The following TFDP2 variants were observed in gnomAD, a reference collection of about 807,000 sequenced individuals.
The protein encoded by TFDP2 is transcription factor Dp-2 (E2F dimerization partner 2).
TFDP2 carries 17 observed loss-of-function variants against 59.3 expected under a neutral mutation model. The ratio of observed to expected loss-of-function variants is 0.29; its 90% CI spans 0.20 to 0.43. TFDP2 has a LOEUF of 0.43. Ranked by LOEUF, TFDP2 falls within the 20% of genes least tolerant of loss-of-function variation. The pLI is 1.00. For synonymous variants in TFDP2, 180 were observed against 194.7 expected, an observed-to-expected ratio of 0.92 and a Z score of 0.63; for missense variants, 391 against 528.8, an observed-to-expected ratio of 0.74 and a Z score of 2.56.
intron 3 of TFDP2, among the ~76,000 whole-genome samples, chr3:142,038,732 AT>A (rs144925142): frequency 1.1e-4 from 17 of 151,362 alleles, no homozygotes; most frequent in East Asian, 7.8e-4. Context: ...TATGATACAT[AT>A]TTTTTTTTAC....
intron 2 of TFDP2, among the ~76,000 whole-genome samples, chr3:142,098,478 T>G (rs1459704021): frequency 6.6e-6 from 1 of 152,138 alleles, no homozygotes; most frequent in South Asian, 2.1e-4. Flanking sequence ...CATGTAGTTC[T>G]AGTAAGACAA....
chr3:141,994,190 T>C (rs1943051391), intron 5 of TFDP2: 1 of 152,234 alleles, frequency 6.6e-6, no homozygotes, highest in Admixed American at 6.5e-5. Flanking sequence ...TGTAGGCATG[T>C]ATTTATGTAT....
At chr3:142,098,080 C>T (rs573752779) in intron 2 of TFDP2, among the ~76,000 whole-genome samples, 12 of 152,194 alleles carry the variant, frequency 7.9e-5, no homozygotes, top group African/African-American at 2.6e-4. Context: ...CGTGAGCCAT[C>T]GCGCTGGGCC....
At chr3:142,029,809 G>A (rs1409672779) in intron 3 of TFDP2, among the ~76,000 whole-genome samples, 2 of 152,076 alleles carry the variant, frequency 1.3e-5, no homozygotes, top group African/African-American at 2.4e-5. Flanking sequence ...ATTATGAGCC[G>A]AGCACTATTT....
chr3:142,056,477 G>T (rs1380867985), intron 3 of TFDP2, among the ~76,000 whole-genome samples: 1 of 152,130 alleles, frequency 6.6e-6, no homozygotes, highest in African/African-American at 2.4e-5. Flanking sequence ...CAGAAAGGCT[G>T]TCAGATAAAA....
chr3:141,990,528 C>T (rs535183499), intron 6 of TFDP2, among the ~76,000 whole-genome samples: 65 of 152,246 alleles, frequency 4.3e-4, no homozygotes, highest in African/African-American at 1.4e-3. Context: ...GCCACCGTGC[C>T]CAGTCTGTGG....
intron 3 of TFDP2, among the ~76,000 whole-genome samples, chr3:142,035,266 C>T (rs1353357907): frequency 3.9e-5 from 6 of 152,174 alleles, no homozygotes; most frequent in Admixed American, 3.9e-4. Context: ...TGCTTAAAAA[C>T]TTTCAGTAGT....
rs1011660182 is a variant in TFDP2 at position 141,978,760 on chromosome 3, A to G, written c.357-78T>C. 4.7e-6 allele frequency: 5 copies of G among 1,071,442 alleles called. No individual in the cohort carries two copies. In the South Asian group the frequency reaches 9.7e-5, roughly 21 times the overall value. The allele number at this position is 1,071,442 out of a possible 1,614,324, so 66.4% of individuals were successfully genotyped here. A position where few individuals can be genotyped will look rare whatever the true frequency, so the allele number is the denominator to read the frequency against. ...TTACAAATCTCTGTAAGATAATGCA[A>G]GAAGACAGTAATTTAAGTTTTACTT... On this transcript the variant is annotated intron_variant, in intron 6 of 12. Coordinates refer to ENST00000489671, the MANE Select transcript of TFDP2 (RefSeq NM_001178139.2).
At chr3:141,973,481 G>A (rs1940155967) in intron 8 of TFDP2, among the ~76,000 whole-genome samples, 1 of 152,118 alleles carries the variant, frequency 6.6e-6, no homozygotes, top group African/African-American at 2.4e-5. Context: ...GCTCATTTAG[G>A]AAGAGTTTTC....
At position 141,959,859 on chromosome 3, in the gene TFDP2, T is replaced by C; in HGVS notation, c.885-19A>G. On this transcript the variant is annotated intron_variant, in intron 10 of 12. Coordinates refer to ENST00000489671, the MANE Select transcript of TFDP2 (RefSeq NM_001178139.2). ...CTCAAACCTGCATCAGGAAACAAAG[T>C]AAAGGGTTTTTGGTGGTGCTGGAGA... is the stretch of plus-strand genomic sequence containing the variant. 6.2e-7 allele frequency: 1 copy of C among 1,613,336 alleles called. No homozygotes were observed. The highest frequency in any genetic ancestry group is 8.5e-7 in the Non-Finnish European group (1 of 1,179,540).
At chr3:141,976,845 A>G (rs1940710017) in intron 7 of TFDP2, among the ~76,000 whole-genome samples, 1 of 151,830 alleles carries the variant, frequency 6.6e-6, no homozygotes, top group Non-Finnish European at 1.5e-5. Context: ...ATGGCTCCCA[A>G]GGAAAATCTC....
intron 3 of TFDP2, among the ~76,000 whole-genome samples, chr3:142,044,901 T>C (rs534220963): frequency 1.5e-3 from 225 of 152,290 alleles, no homozygotes; most frequent in Non-Finnish European, 2.5e-3. Flanking sequence ...AGCTAATTCA[T>C]GAAGGCTTTA....
At chr3:142,070,278 T>C (rs1438744609) in intron 3 of TFDP2, among the ~76,000 whole-genome samples, 1 of 152,088 alleles carries the variant, frequency 6.6e-6, no homozygotes, top group Non-Finnish European at 1.5e-5. Flanking sequence ...ATACGATACA[T>C]CAGTGTTTTT....
chr3:141,974,271 A>C, intron 7 of TFDP2, 80 bp from the exon 8 acceptor site: 1 of 1,227,802 alleles, frequency 8.1e-7, no homozygotes, highest in Non-Finnish European at 1.1e-6. Flanking sequence ...TCAAATTAAT[A>C]TTACAACTTC....
At chr3:141,970,185 A>G in intron 8 of TFDP2, 44 bp from the exon 9 acceptor site, 1 of 1,573,706 alleles carries the variant, frequency 6.4e-7, no homozygotes, top group Admixed American at 1.7e-5. Flanking sequence ...TAGGTAGACT[A>G]TAAAATATCG....
chr3:142,101,912 T>A, intron 1 of TFDP2, 71 bp from the exon 2 acceptor site: 2 of 448,282 alleles, frequency 4.5e-6, no homozygotes, highest in Non-Finnish European at 7.9e-6. Context: ...ATATTTACTA[T>A]GTGACATGCA....
chr3:142,076,312 A>G (rs1179599073), intron 3 of TFDP2, among the ~76,000 whole-genome samples: 1 of 152,236 alleles, frequency 6.6e-6, no homozygotes, highest in African/African-American at 2.4e-5. Context: ...CCATACCAGA[A>G]GCAGAACCAG....
intron 6 of TFDP2, among the ~76,000 whole-genome samples, chr3:141,979,566 C>G (rs1028098690): frequency 1.3e-5 from 2 of 151,996 alleles, no homozygotes; most frequent in Non-Finnish European, 2.9e-5. Context: ...ATCTTGACCC[C>G]CCTGTAGGCC....
At chr3:142,060,722 A>T (rs956826633) in intron 3 of TFDP2, among the ~76,000 whole-genome samples, 5 of 152,194 alleles carry the variant, frequency 3.3e-5, no homozygotes, top group African/African-American at 1.2e-4. Context: ...CTACACATGG[A>T]GGGTTAGGAG....
Sources: gnomAD v4.1 joint callset for allele counts (sites outside exome capture counted in the v4.1 genomes callset) on GRCh38, gnomAD v4.1.1 for gene constraint, MANE v1.5 for transcripts, NCBI Gene and HGNC (gene_info 2026-07-23, HGNC 2026-07-21) for gene names.